Variants in DOCK9 observed in about 807,000 individuals in gnomAD.
DOCK9 encodes dedicator of cytokinesis protein 9.
A neutral mutation model predicts 263.3 loss-of-function variants in DOCK9; 89 were observed. That is an observed-to-expected ratio of 0.34 (90% CI 0.28 to 0.40). DOCK9 has a LOEUF of 0.40. Ranked by LOEUF, DOCK9 falls within the 10% of genes least tolerant of loss-of-function variation. DOCK9 has a pLI of 1.00. For synonymous variants in DOCK9, 976 were observed against 973.1 expected, an observed-to-expected ratio of 1.00 and a Z score of -0.06; for missense variants, 2,140 against 2,603.4, an observed-to-expected ratio of 0.82 and a Z score of 3.87.
intron 2 of DOCK9, among the ~76,000 whole-genome samples, chr13:98,947,033 T>G (rs2056808357): frequency 6.6e-6 from 1 of 152,212 alleles, no homozygotes; most frequent in Non-Finnish European, 1.5e-5. Context: ...TGAGTCCAGA[T>G]CTTCCTTTTT....
intron 9 of DOCK9, among the ~76,000 whole-genome samples, chr13:98,911,596 T>A (rs1016539566): frequency 6.6e-6 from 1 of 152,136 alleles, no homozygotes; most frequent in African/African-American, 2.4e-5. Context: ...TAATTCACTT[T>A]AAAAAGTTTT....
intron 1 of DOCK9, among the ~76,000 whole-genome samples, chr13:99,023,949 T>C (rs756043049): frequency 3.1e-4 from 47 of 152,212 alleles, no homozygotes; most frequent in African/African-American, 6.5e-4. Context: ...ACTACTTTCA[T>C]TGACAGCCAT....
chr13:98,809,622 A>G (rs1187042423), intron 46 of DOCK9, among the ~76,000 whole-genome samples, 157 bp from the exon 47 acceptor site: 3 of 152,230 alleles, frequency 2.0e-5, no homozygotes, highest in Non-Finnish European at 4.4e-5. Context: ...TCATTAATGA[A>G]TGGTAACATT....
At chr13:99,050,586 G>A (rs559729668) in intron 1 of DOCK9, among the ~76,000 whole-genome samples, 143 of 152,228 alleles carry the variant, frequency 9.4e-4, no homozygotes, top group Non-Finnish European at 1.8e-3. Context: ...CCAGCTACTC[G>A]GGAGGTTGAG....
At chr13:98,876,346 C>T (rs1201601576) in intron 27 of DOCK9, among the ~76,000 whole-genome samples, 1 of 152,146 alleles carries the variant, frequency 6.6e-6, no homozygotes, top group Non-Finnish European at 1.5e-5. Flanking sequence ...ATAAAATTAG[C>T]TGGGCGTGGT....
rs918114101 is a variant in DOCK9 at position 98,953,259 on chromosome 13, T to G, written c.243+2176A>C. 5.3e-5 allele frequency among the ~76,000 whole-genome samples: 8 copies of G among 152,212 alleles called. 1 individual carries two copies. Among genetic ancestry groups the G allele is most frequent in the African/African-American group, 1.9e-4 (8 of 41,454 alleles). On this transcript the variant is annotated intron_variant, in intron 2 of 52. Coordinates refer to ENST00000682017, the MANE Select transcript of DOCK9 (RefSeq NM_001366683.2). ...CAAGCTCCTAAATCTCTAGGAAAAC[T>G]TCTCCCCAAACAGAAAATAATATTT...
intron 1 of DOCK9, among the ~76,000 whole-genome samples, chr13:99,060,578 A>C (rs1451358687): frequency 3.3e-5 from 5 of 152,188 alleles, no homozygotes; most frequent in Non-Finnish European, 7.4e-5. Flanking sequence ...ACCATTTAAC[A>C]CCAGCAATGT....
chr13:98,880,585 G>A lies in DOCK9; in HGVS notation c.2833C>T (p.Pro945Ser), dbSNP rs2044585241. 1.2e-6 allele frequency: 2 copies of A among 1,613,790 alleles called. No individual in the cohort carries two copies. The highest frequency in any genetic ancestry group is 1.1e-5 in the South Asian group (1 of 91,068). Residue 945 changes from proline (P) to serine (S), a missense_variant, in exon 26 of 53, where the codon CCT becomes TCT. This residue lies in a region of DOCK9 where 1,521 missense variants were observed against 1,741.7 expected (regional missense o/e 0.87). Transcript: ENST00000682017. ...TTGCTGGTGAGGAAATCGGCAGAAG[G>A]CTTGAGAATCGTGGTCATGGATTTG... ...LTKSMTTILK[P>S]SADFLTSNKL...
In DOCK9 at chr13:98,864,162, C is replaced by G. The variant is rs144231383; in HGVS notation, c.3287-614G>C. On this transcript the variant is annotated intron_variant, in intron 30 of 52. Transcript: ENST00000682017. ...ATGCAGTATTTCCTAAGCTATTCTC[C>G]TAATATTTCTCCACCTCTGAAAACA... Among the ~76,000 whole-genome samples the G allele has an allele frequency of 3.2e-3, 490 of 152,232 alleles. 3 individuals are homozygous for G. Among genetic ancestry groups the G allele is most frequent in the African/African-American group, 0.011 (460 of 41,540 alleles).
chr13:98,795,338 A>G (rs974652388), intron 52 of DOCK9, among the ~76,000 whole-genome samples: 18 of 152,306 alleles, frequency 1.2e-4, no homozygotes, highest in African/African-American at 4.3e-4. Flanking sequence ...CTGACCCTGA[A>G]CAAGTATCTT....
chr13:98,929,506 C>A (rs2053580599), intron 3 of DOCK9, among the ~76,000 whole-genome samples: 1 of 152,044 alleles, frequency 6.6e-6, no homozygotes, highest in African/African-American at 2.4e-5. Flanking sequence ...GATTGCTCCA[C>A]AGCACTCTAG....
At chr13:98,809,107 A>C in intron 47 of DOCK9, 2 of 1,543,620 alleles carry the variant, frequency 1.3e-6, no homozygotes, top group Non-Finnish European at 1.7e-6. Context: ...GAATGTCTTA[A>C]GGAGGAAGAA....
chr13:98,839,528 G>A (rs1276262109), intron 38 of DOCK9, among the ~76,000 whole-genome samples: 1 of 152,208 alleles, frequency 6.6e-6, no homozygotes, highest in Non-Finnish European at 1.5e-5. Flanking sequence ...ATCCTTTCCT[G>A]AGGGCTGCCA....
At chr13:99,017,768 T>C (rs1885605732) in intron 1 of DOCK9, among the ~76,000 whole-genome samples, 2 of 152,180 alleles carry the variant, frequency 1.3e-5, no homozygotes, top group Non-Finnish European at 2.9e-5. Flanking sequence ...AAAAATCTCA[T>C]AATGTTTTAA....
chr13:99,051,497 T>C (rs759121813), intron 1 of DOCK9, among the ~76,000 whole-genome samples: 6 of 152,102 alleles, frequency 3.9e-5, no homozygotes, highest in Non-Finnish European at 8.8e-5. Flanking sequence ...GCAGCTTTCA[T>C]ACTAATGAAA....
At chr13:98,887,143 AT>A (rs58434344) in intron 18 of DOCK9, among the ~76,000 whole-genome samples, 986 of 94,704 alleles carry the variant, frequency 0.01, 3 homozygotes, top group African/African-American at 0.041. Flanking sequence ...ATATATATAT[AT>A]TTTTTTTTTT....
At chr13:99,074,297 T>C (rs778729723) in intron 1 of DOCK9, among the ~76,000 whole-genome samples, 1 of 152,266 alleles carries the variant, frequency 6.6e-6, no homozygotes, top group Middle Eastern at 3.2e-3. Flanking sequence ...GACTTCTCTC[T>C]GTTTCCTAGG....
chr13:98,794,275 C>T lies in DOCK9; in HGVS notation c.*351G>A, dbSNP rs2089056356. ...GGTCCCCCAGGCATCAATGTCAGTG[C>T]AGCCCTCCCTGCCATGTAGATCCCA... On this transcript the variant is annotated 3_prime_UTR_variant, in exon 53 of 53. Transcript: ENST00000682017. 4 of 219,924 alleles carry T rather than the reference C, an allele frequency of 1.8e-5. No homozygotes were observed. In the South Asian group the frequency reaches 7.1e-4, roughly 39 times the overall value. The allele number at this position is 219,924 out of a possible 1,614,324, so 13.6% of individuals were successfully genotyped here. A position where few individuals can be genotyped will look rare whatever the true frequency, so the allele number is the denominator to read the frequency against.
At chr13:98,848,410 G>A (rs759017325) in intron 37 of DOCK9, among the ~76,000 whole-genome samples, 182 bp downstream of exon 37, 2 of 152,148 alleles carry the variant, frequency 1.3e-5, no homozygotes, top group Non-Finnish European at 2.9e-5. Context: ...AGACTTCGCC[G>A]GTAGGAATGC....
Sources: allele counts gnomAD v4.1 joint callset (sites outside exome capture counted in the v4.1 genomes callset), GRCh38; gene constraint gnomAD v4.1.1; regional missense constraint gnomAD v4.1.1; transcripts MANE v1.5; gene names NCBI Gene and HGNC (gene_info 2026-07-23, HGNC 2026-07-21).